The following PEMT variants were observed in gnomAD, a reference collection of about 807,000 sequenced individuals.
PEMT encodes the protein phospholipid methyltransferase.
Under a neutral mutation model 27.4 loss-of-function variants are expected in PEMT, and 23 were observed. The ratio of observed to expected loss-of-function variants is 0.84; its 90% CI spans 0.60 to 1.19. The LOEUF (loss-of-function observed/expected upper bound fraction) is 1.19, where lower values mean the gene tolerates loss of function less well. Ranked by LOEUF, PEMT falls within the 50% of genes most tolerant of loss-of-function variation. The probability of loss-of-function intolerance (pLI) is 0.00; values close to 1 mark genes in which losing one functional copy is unlikely to be tolerated. For synonymous variants in PEMT, 137 were observed against 139.1 expected, an observed-to-expected ratio of 0.98 and a Z score of 0.11; for missense variants, 307 against 310.1, an observed-to-expected ratio of 0.99 and a Z score of 0.07.
At chr17:17,575,984 T>A (rs1023203144) in intron 2 of PEMT, among the ~76,000 whole-genome samples, 1 of 152,202 alleles carries the variant, frequency 6.6e-6, no homozygotes, top group African/African-American at 2.4e-5. Context: ...TCTGGAACAA[T>A]GTGCTGCTGA....
At chr17:17,542,878 C>A (rs1177670386) in intron 2 of PEMT, among the ~76,000 whole-genome samples, 1 of 152,216 alleles carries the variant, frequency 6.6e-6, no homozygotes, top group Non-Finnish European at 1.5e-5. Context: ...GCAGGGAGTA[C>A]CCCAGGGGAT....
At chr17:17,549,310 C>T (rs541238449) in intron 2 of PEMT, among the ~76,000 whole-genome samples, 1 of 152,334 alleles carries the variant, frequency 6.6e-6, no homozygotes, top group South Asian at 2.1e-4. Flanking sequence ...CTGCCTCAGC[C>T]TCCTGAGTAG....
intron 2 of PEMT, among the ~76,000 whole-genome samples, chr17:17,537,743 C>T (rs1908585963): frequency 6.6e-6 from 1 of 152,250 alleles, no homozygotes; most frequent in African/African-American, 2.4e-5. Flanking sequence ...GACAGACAAG[C>T]CTTCCAGCAG....
intron 3 of PEMT, among the ~76,000 whole-genome samples, chr17:17,514,426 C>A (rs1450945786): frequency 6.6e-6 from 1 of 152,238 alleles, no homozygotes; most frequent in Non-Finnish European, 1.5e-5. Flanking sequence ...TCCCCAAGAG[C>A]AGAGAAGGAG....
intron 2 of PEMT, among the ~76,000 whole-genome samples, chr17:17,554,084 G>A (rs765551630): frequency 1.1e-4 from 16 of 152,234 alleles, no homozygotes; most frequent in East Asian, 9.6e-4. Context: ...GGCCAGGCTC[G>A]GGGCCTGGTA....
chr17:17,569,204 G>A (rs142535846), intron 2 of PEMT, among the ~76,000 whole-genome samples: 1 of 152,336 alleles, frequency 6.6e-6, no homozygotes, highest in East Asian at 1.9e-4. Flanking sequence ...CCCTCTATAG[G>A]TATCCTCTGC....
intron 2 of PEMT, among the ~76,000 whole-genome samples, chr17:17,529,160 C>T (rs747915561): frequency 3.4e-4 from 52 of 152,332 alleles, no homozygotes; most frequent in Non-Finnish European, 6.8e-4. Flanking sequence ...TCTCCGAGGT[C>T]GCACCGTGTC....
chr17:17,517,986 G>A lies in PEMT; in HGVS notation c.320+4294C>T. ...AGCCTGGGAATACCTCCAGGTTGAG[G>A]AAGATTCCTGATCGACAGCCACACT... On this transcript the variant is annotated intron_variant, in intron 3 of 6. Transcript: ENST00000255389. 3.0e-6 allele frequency: 3 copies of A among 985,550 alleles called. No homozygotes were observed. The South Asian group carries it at 1.4e-4, about 46-fold the overall frequency. The allele number at this position is 985,550 out of a possible 1,614,324, so 61.1% of individuals were successfully genotyped here. A position where few individuals can be genotyped will look rare whatever the true frequency, so the allele number is the denominator to read the frequency against.
At chr17:17,538,977 C>T (rs1276706318) in intron 2 of PEMT, among the ~76,000 whole-genome samples, 1 of 152,192 alleles carries the variant, frequency 6.6e-6, no homozygotes, top group Non-Finnish European at 1.5e-5. Context: ...CGCCCATGTG[C>T]TAGTAGTAGG....
chr17:17,576,804 G>C (rs1172338405), intron 2 of PEMT, 116 bp downstream of exon 2: 1 of 791,702 alleles, frequency 1.3e-6, no homozygotes, highest in African/African-American at 1.7e-5. Context: ...CGGGAGGGAA[G>C]AGCAGAGCTG....
rs929359827 is a variant in PEMT, at chr17:17,523,094, C to T, written c.205-699G>A. ...CCTGCCTGCCTGCTGTTTCCACAGT[C>T]CTGAGCTGGTTATCGCCCGGGCCTG... On this transcript the variant is annotated intron_variant, in intron 2 of 6. Coordinates refer to ENST00000255389, the MANE Select transcript of PEMT (RefSeq NM_148172.3). This position sits in a 1 kb window ranked among gnomAD's most constrained non-coding sequence, Gnocchi z 4.8. Among the ~76,000 whole-genome samples the T allele has an allele frequency of 6.6e-6, 1 of 152,180 alleles. No homozygotes were observed. Among genetic ancestry groups the T allele is most frequent in the African/African-American group, 2.4e-5 (1 of 41,434 alleles).
chr17:17,573,867 G>T (rs968024795), intron 2 of PEMT, among the ~76,000 whole-genome samples: 5 of 151,952 alleles, frequency 3.3e-5, no homozygotes, highest in African/African-American at 9.7e-5. Context: ...CTGCAGCCTC[G>T]ACCTCCTGGG....
At chr17:17,516,085 A>G (rs1906802819) in intron 3 of PEMT, among the ~76,000 whole-genome samples, 1 of 152,142 alleles carries the variant, frequency 6.6e-6, no homozygotes, top group East Asian at 1.9e-4. Flanking sequence ...GACCAGAAAC[A>G]CTTCCCTGAC....
rs1446761239 is a variant in PEMT, at chr17:17,582,840, G to C, written c.97-5813C>G. ...GCACTTTGGGAGGCCTAGGCAGGCGGATCACAAGGCCAGGAGTCAGAGATC... is the reference window on the plus strand; with the variant it reads ...GCACTTTGGGAGGCCTAGGCAGGCGCATCACAAGGCCAGGAGTCAGAGATC... On this transcript the variant is annotated intron_variant, in intron 1 of 6. Transcript: ENST00000255389. This position sits in a 1 kb window ranked among gnomAD's most constrained non-coding sequence, Gnocchi z 4.9. Among the ~76,000 whole-genome samples, 1 of 152,154 alleles carries C rather than the reference G, an allele frequency of 6.6e-6. No homozygotes were observed. Among genetic ancestry groups the C allele is most frequent in the Admixed American group, 6.5e-5 (1 of 15,270 alleles).
At chr17:17,535,757 A>G (rs1165547994) in intron 2 of PEMT, among the ~76,000 whole-genome samples, 1 of 152,192 alleles carries the variant, frequency 6.6e-6, no homozygotes. Context: ...ACATATTGTG[A>G]GAGAATTCTT....
At chr17:17,509,768 C>T (rs1906214228) in intron 4 of PEMT, among the ~76,000 whole-genome samples, 1 of 152,318 alleles carries the variant, frequency 6.6e-6, no homozygotes, top group Middle Eastern at 3.4e-3. Flanking sequence ...CTGAGCACCG[C>T]CCCTGCCCCA....
chr17:17,577,015 C>A lies in PEMT; in HGVS notation c.109G>T (p.Val37Phe). Reference sequence around the variant, plus strand: ...ACGTAGCCCAGCAGCCGGGTCATAACGCAGAAGTCTGCCTGCAGGGACAGA... The same window carrying A: ...ACGTAGCCCAGCAGCCGGGTCATAAAGCAGAAGTCTGCCTGCAGGGACAGA... ...NIDFRQADFC[V>F]MTRLLGYVDP... Residue 37 changes from valine (V) to phenylalanine (F), a missense_variant, in exon 2 of 7, where the codon GTT (valine) becomes TTT (phenylalanine). By Grantham distance (50) the Val-to-Phe change is conservative (BLOSUM62 -1). Transcript: ENST00000255389. 1.2e-6 allele frequency: 2 copies of A among 1,613,712 alleles called. No homozygotes were observed. The highest frequency in any genetic ancestry group is 1.7e-6 in the Non-Finnish European group (2 of 1,179,786).
At chr17:17,570,394 T>C (rs965118054) in intron 2 of PEMT, 6 of 495,836 alleles carry the variant, frequency 1.2e-5, no homozygotes, top group Non-Finnish European at 1.6e-5. Context: ...CATCAGGCAA[T>C]GTCTGGAAAC....
intron 4 of PEMT, among the ~76,000 whole-genome samples, chr17:17,511,044 A>G (rs897730494): frequency 2.0e-5 from 3 of 151,800 alleles, no homozygotes; most frequent in South Asian, 2.1e-4. Flanking sequence ...GACCCCCCCT[A>G]TGGCTCCCAC....
Sources: gnomAD v4.1 joint callset for allele counts (sites outside exome capture counted in the v4.1 genomes callset) on GRCh38, gnomAD v4.1.1 for gene constraint, Gnocchi (gnomAD v3.1) non-coding constraint, MANE v1.5 for transcripts, NCBI Gene and HGNC (gene_info 2026-07-23, HGNC 2026-07-21) for gene names.